Variants in VRK2 observed in about 807,000 individuals in gnomAD.
VRK2 encodes the protein serine/threonine-protein kinase VRK2.
Under a neutral mutation model 57.6 loss-of-function variants are expected in VRK2, and 60 were observed. The ratio of observed to expected loss-of-function variants is 1.04; its 90% CI spans 0.85 to 1.29. The LOEUF is 1.29. Among genes scored for constraint, VRK2 ranks in the 50% most tolerant of loss-of-function variants. The pLI, the probability that VRK2 is intolerant of heterozygous loss-of-function variation, is 0.00. For missense variants in VRK2, 705 were observed against 588.1 expected (o/e 1.20, Z -2.06); for synonymous variants, 231 against 199.2 (o/e 1.16, Z -1.35).
rs184063610 is a variant in VRK2, at chr2:58,006,825, C to A, written c.-438-18840C>A. Among the ~76,000 whole-genome samples, 47 of 152,124 alleles carry A rather than the reference C, an allele frequency of 3.1e-4. 3 individuals carry two copies. The East Asian group carries it at 3.5e-3, about 11-fold the overall frequency. ...GAAGCCTACTAAATTCTTACTTGAC[C>A]TTTACGGACAGAAAAGTTCTAGGTC... On this transcript the variant is annotated intron_variant, in intron 1 of 15. Coordinates refer to the VRK2 transcript ENST00000417641.
At chr2:58,020,277 T>G (rs1240842801) in intron 1 of VRK2, among the ~76,000 whole-genome samples, 2 of 152,234 alleles carry the variant, frequency 1.3e-5, no homozygotes, top group Non-Finnish European at 2.9e-5. Context: ...AGTGGTGTGA[T>G]AACAGCTCAC....
intron 2 of VRK2, among the ~76,000 whole-genome samples, chr2:58,057,181 T>A (rs1006641377): frequency 1.3e-5 from 2 of 152,134 alleles, no homozygotes; most frequent in African/African-American, 4.8e-5. Context: ...AATGATGTGT[T>A]AAATTAACTC....
chr2:58,023,650 A>T (rs1425923832), intron 1 of VRK2, among the ~76,000 whole-genome samples: 2 of 151,852 alleles, frequency 1.3e-5, no homozygotes, highest in East Asian at 3.8e-4. Context: ...TTGAAAGTGA[A>T]ATCAAGGAAA....
rs1012796257 is a variant in VRK2 at position 58,108,602 on chromosome 2, T to C, written c.544-14499T>C. ...GACACATGCTCTGGTTGCCCTCTTGTATGTTTCTTCTTCCCTGTCTCCATC... is the reference window on the plus strand; with the variant it reads ...GACACATGCTCTGGTTGCCCTCTTGCATGTTTCTTCTTCCCTGTCTCCATC... On this transcript the variant is annotated intron_variant, in intron 7 of 12. Coordinates refer to ENST00000340157, the MANE Select transcript of VRK2 (RefSeq NM_006296.7). Among the ~76,000 whole-genome samples, 6 of 152,176 alleles carry C rather than the reference T, an allele frequency of 3.9e-5. No homozygotes were observed. The East Asian group carries it at 1.2e-3, about 29-fold the overall frequency.
chr2:57,915,464 A>T (rs1285868262), intron 1 of VRK2, among the ~76,000 whole-genome samples: 1 of 151,986 alleles, frequency 6.6e-6, no homozygotes, highest in East Asian at 2.0e-4. Flanking sequence ...TGAATGGATT[A>T]AAAAAATAAA....
intron 3 of VRK2, among the ~76,000 whole-genome samples, chr2:58,034,040 T>C (rs1226316442): frequency 1.3e-5 from 2 of 152,070 alleles, no homozygotes; most frequent in Non-Finnish European, 2.9e-5. Context: ...CTGAGGATCC[T>C]AGGTAGGTGC....
intron 7 of VRK2, 27 bp downstream of exon 7, chr2:58,089,750 A>G (rs761284052): frequency 1.5e-5 from 23 of 1,504,964 alleles, no homozygotes; most frequent in Non-Finnish European, 2.0e-5. Context: ...GCTTTTAATA[A>G]AGGTCTTTAA....
intron 8 of VRK2, among the ~76,000 whole-genome samples, chr2:58,128,541 G>A (rs867543524): frequency 7.9e-5 from 12 of 151,966 alleles, no homozygotes; most frequent in Middle Eastern, 3.4e-3. Context: ...CATGTTGGCC[G>A]GGCTGGTCTT....
chr2:57,966,427 T>C (rs1671919119), intron 1 of VRK2, among the ~76,000 whole-genome samples: 2 of 152,286 alleles, frequency 1.3e-5, no homozygotes, highest in Middle Eastern at 3.4e-3. Context: ...TAATAAGCTG[T>C]TATGTTTTTG....
intron 7 of VRK2, among the ~76,000 whole-genome samples, chr2:58,122,836 G>A (rs1028875809): frequency 1.3e-5 from 2 of 152,166 alleles, no homozygotes; most frequent in Non-Finnish European, 2.9e-5. Flanking sequence ...CACCTGGAGG[G>A]AAGGGAATTT....
At chr2:58,070,964 G>C (rs891290330) in intron 2 of VRK2, among the ~76,000 whole-genome samples, 1 of 152,048 alleles carries the variant, frequency 6.6e-6, no homozygotes, top group African/African-American at 2.4e-5. Context: ...CTGCATCCTT[G>C]CCAGCATTTA....
chr2:58,037,729 T>C (rs1405150102), intron 3 of VRK2, among the ~76,000 whole-genome samples: 2 of 152,172 alleles, frequency 1.3e-5, no homozygotes, highest in Non-Finnish European at 2.9e-5. Flanking sequence ...TCCTGCAATA[T>C]GTCTCCCTTC....
At chr2:57,944,218 G>A (rs929532873) in intron 1 of VRK2, among the ~76,000 whole-genome samples, 5 of 152,148 alleles carry the variant, frequency 3.3e-5, no homozygotes, top group South Asian at 2.1e-4. Flanking sequence ...AGCCATGTGT[G>A]GGGTTATGAA....
intron 10 of VRK2, among the ~76,000 whole-genome samples, chr2:58,135,718 G>A (rs1409659021): frequency 6.6e-6 from 1 of 151,956 alleles, no homozygotes; most frequent in Admixed American, 6.6e-5. Flanking sequence ...GGGATTTGGA[G>A]GTATATTTCA....
chr2:58,135,183 T>C lies in VRK2; in HGVS notation c.840T>C (p.Pro280=). The C allele has an allele frequency of 6.2e-7, 1 of 1,614,164 alleles. No homozygotes were observed. Among genetic ancestry groups the C allele is most frequent in the Non-Finnish European group, 8.5e-7 (1 of 1,179,994 alleles). ...CCCAGTCAGTGCTTAAATGGGCTCCTTCTGGAAGCAGTTGCTGTAAGTCAA... is the reference window on the plus strand; with the variant it reads ...CCCAGTCAGTGCTTAAATGGGCTCCCTCTGGAAGCAGTTGCTGTAAGTCAA... ...ELPQSVLKWA[P]SGSSCCEIAQ... The change falls in exon 10 of 13, where the codon CCT becomes CCC. Residue 280 remains proline (P), a synonymous_variant. Transcript: ENST00000340157.
intron 1 of VRK2, among the ~76,000 whole-genome samples, chr2:57,935,410 T>C (rs1670872824): frequency 6.6e-6 from 1 of 152,182 alleles, no homozygotes; most frequent in South Asian, 2.1e-4. Flanking sequence ...TTGTTTTCTC[T>C]AGGGCAGTGC....
intron 1 of VRK2, among the ~76,000 whole-genome samples, chr2:57,919,065 A>G (rs1311660180): frequency 6.6e-6 from 1 of 152,120 alleles, no homozygotes; most frequent in East Asian, 1.9e-4. Flanking sequence ...ATACTTGTCC[A>G]ATTTAATTCA....
At chr2:58,130,515 A>G (rs1306443594) in intron 8 of VRK2, among the ~76,000 whole-genome samples, 1 of 152,228 alleles carries the variant, frequency 6.6e-6, no homozygotes, top group Non-Finnish European at 1.5e-5. Context: ...TAATAATCCA[A>G]TACGCTAATA....
intron 8 of VRK2, among the ~76,000 whole-genome samples, chr2:58,130,576 T>G (rs1558674924): frequency 6.6e-6 from 1 of 152,220 alleles, no homozygotes; most frequent in Non-Finnish European, 1.5e-5. Context: ...TAATAACTTA[T>G]ACATGGTAAC....
Sources: allele counts gnomAD v4.1 joint callset (sites outside exome capture counted in the v4.1 genomes callset), GRCh38; gene constraint gnomAD v4.1.1; transcripts MANE v1.5; gene names NCBI Gene and HGNC (gene_info 2026-07-23, HGNC 2026-07-21).